L3MBTL4: variants seen among roughly 807,000 people sequenced by gnomAD.
The protein encoded by L3MBTL4 is L3MBTL histone methyl-lysine binding protein 4, also known as lethal(3)malignant brain tumor-like protein 4.
A neutral mutation model predicts 84.5 loss-of-function variants in L3MBTL4; 70 were observed. The ratio of observed to expected loss-of-function variants is 0.83; its 90% CI spans 0.68 to 1.01. The LOEUF is 1.01. L3MBTL4 is among the 50% of genes least tolerant of loss of function. The probability of loss-of-function intolerance (pLI) is 0.00; values close to 1 mark genes in which losing one functional copy is unlikely to be tolerated. For missense variants in L3MBTL4, 715 were observed against 754.8 expected, an observed-to-expected ratio of 0.95 and a Z score of 0.62; for synonymous variants, 274 against 259.8, an observed-to-expected ratio of 1.05 and a Z score of -0.52.
intron 1 of L3MBTL4, among the ~76,000 whole-genome samples, chr18:6,384,843 G>A (rs138550717): frequency 6.6e-6 from 1 of 152,310 alleles, no homozygotes; most frequent in East Asian, 1.9e-4. Context: ...AGTCTGTGGA[G>A]AGGCTCACCT....
In L3MBTL4 at chr18:5,960,165, C is replaced by A. The variant is rs779372485; in HGVS notation, c.1615-9G>T. On this transcript the variant is annotated splice_polypyrimidine_tract_variant and intron_variant, in intron 17 of 18. Coordinates refer to ENST00000317931, the MANE Select transcript of L3MBTL4 (RefSeq NM_001330559.2). Reference sequence around the variant, plus strand: ...TGTACAAACTCAGCCACCTACAGTGCGAGATGAAAAGCCTAATTTAATACA... The same window carrying A: ...TGTACAAACTCAGCCACCTACAGTGAGAGATGAAAAGCCTAATTTAATACA... 3 of 1,577,824 alleles carry A rather than the reference C, an allele frequency of 1.9e-6. No individual in the cohort carries two copies. The highest frequency in any genetic ancestry group is 1.2e-5 in the South Asian group (1 of 85,424).
At chr18:6,116,749 A>C (rs2059372236) in intron 14 of L3MBTL4, among the ~76,000 whole-genome samples, 1 of 152,170 alleles carries the variant, frequency 6.6e-6, no homozygotes, top group South Asian at 2.1e-4. Flanking sequence ...ATATATCCCA[A>C]ATAAAAAGGC....
At chr18:6,362,907 C>G (rs1285759758) in intron 1 of L3MBTL4, among the ~76,000 whole-genome samples, 4 of 152,184 alleles carry the variant, frequency 2.6e-5, no homozygotes, top group Non-Finnish European at 4.4e-5. Context: ...GAAGTGTGGG[C>G]GCATGCGCAC....
chr18:6,121,710 G>GTGTA (rs1179047404), intron 14 of L3MBTL4, among the ~76,000 whole-genome samples: 3 of 138,170 alleles, frequency 2.2e-5, no homozygotes, highest in Admixed American at 7.5e-5. Context: ...GTGTGTGTGT[G>GTGTA]TGTGTGTGTA....
intron 16 of L3MBTL4, among the ~76,000 whole-genome samples, chr18:5,981,803 A>G (rs897813704): frequency 1.3e-5 from 2 of 152,094 alleles, no homozygotes; most frequent in Admixed American, 1.3e-4. Context: ...TCATCTCAAA[A>G]AAAAAATTTT....
chr18:6,158,143 T>G (rs1964060654), intron 13 of L3MBTL4, among the ~76,000 whole-genome samples: 1 of 152,190 alleles, frequency 6.6e-6, no homozygotes, highest in Non-Finnish European at 1.5e-5. Context: ...AGACAAATGT[T>G]TTTTGGAAGT....
chr18:5,969,967 T>C (rs1040942049), intron 16 of L3MBTL4, among the ~76,000 whole-genome samples: 6 of 152,234 alleles, frequency 3.9e-5, no homozygotes, highest in African/African-American at 1.2e-4. Flanking sequence ...GATGTGTATG[T>C]ACACAAAGAA....
At chr18:5,984,833 G>A (rs191647081) in intron 16 of L3MBTL4, among the ~76,000 whole-genome samples, 104 of 152,192 alleles carry the variant, frequency 6.8e-4, no homozygotes, top group South Asian at 2.3e-3. Flanking sequence ...GTGTCTTTAG[G>A]AGTATTTTTT....
chr18:6,281,271 A>T (rs2049309147), intron 4 of L3MBTL4, among the ~76,000 whole-genome samples: 1 of 152,198 alleles, frequency 6.6e-6, no homozygotes, highest in Admixed American at 6.5e-5. Context: ...TCACTGTATG[A>T]AATACAAAAC....
chr18:6,011,583 A>G (rs1389944960), intron 16 of L3MBTL4, among the ~76,000 whole-genome samples: 1 of 152,100 alleles, frequency 6.6e-6, no homozygotes. Flanking sequence ...CTCTCAGTCT[A>G]CTCAAAATGA....
chr18:6,002,655 G>A (rs954039682), intron 16 of L3MBTL4, among the ~76,000 whole-genome samples: 2 of 151,900 alleles, frequency 1.3e-5, no homozygotes, highest in African/African-American at 4.8e-5. Context: ...AGTGTATAAT[G>A]TACATGGTCA....
At chr18:6,234,178 A>T (rs1470167903) in intron 10 of L3MBTL4, among the ~76,000 whole-genome samples, 13 of 152,236 alleles carry the variant, frequency 8.5e-5, no homozygotes, top group Non-Finnish European at 1.5e-5. Context: ...AGATGGATTA[A>T]AGACTTACAT....
At chr18:6,232,647 C>A (rs1276836081) in intron 10 of L3MBTL4, among the ~76,000 whole-genome samples, 1 of 151,880 alleles carries the variant, frequency 6.6e-6, no homozygotes, top group East Asian at 1.9e-4. Flanking sequence ...AAAACATAGT[C>A]CTTGCTCACA....
At chr18:5,986,464 C>G (rs2053469258) in intron 16 of L3MBTL4, among the ~76,000 whole-genome samples, 1 of 152,232 alleles carries the variant, frequency 6.6e-6, no homozygotes, top group Non-Finnish European at 1.5e-5. Context: ...CATGCAACAT[C>G]ATATGATGAG....
Position 6,390,192 on chromosome 18 carries a change from A to G in L3MBTL4, c.-91+24609T>C, listed in dbSNP as rs149810562. 4.9e-4 allele frequency among the ~76,000 whole-genome samples: 74 copies of G among 152,156 alleles called. No individual in the cohort carries two copies. In the East Asian group the frequency reaches 0.014, roughly 28 times the overall value. ...TATATATATACATATACACACACAC[A>G]CATATATTACATGGAGTTAAACAAT... On this transcript the variant is annotated intron_variant, in intron 1 of 18. Coordinates refer to ENST00000317931, the MANE Select transcript of L3MBTL4 (RefSeq NM_001330559.2).
chr18:6,319,027 T>C lies in L3MBTL4; in HGVS notation c.-90-6971A>G, dbSNP rs138530355. ...GAAAGTAAACAATCTGCCCATGAAT[T>C]ATTTTGGGGTTAACAACGAAACCAA... On this transcript the variant is annotated intron_variant, in intron 1 of 18. Transcript: ENST00000317931. 3.5e-3 allele frequency among the ~76,000 whole-genome samples: 537 copies of C among 152,252 alleles called. 3 individuals are homozygous for C. The highest frequency in any genetic ancestry group is 8.6e-3 in the Admixed American group (131 of 15,288).
intron 5 of L3MBTL4, among the ~76,000 whole-genome samples, chr18:6,251,707 A>C (rs925153173): frequency 1.3e-5 from 2 of 152,220 alleles, no homozygotes; most frequent in African/African-American, 4.8e-5. Context: ...TTATAAATAT[A>C]ATAAATGTTT....
chr18:6,121,685 C>CGTGTGTGT (rs762077935), intron 14 of L3MBTL4, among the ~76,000 whole-genome samples: 173 of 142,894 alleles, frequency 1.2e-3, no homozygotes, highest in Non-Finnish European at 1.9e-3. Flanking sequence ...ATTGTTTCCC[C>CGTGTGTGT]GTGTGTGTGT....
At chr18:6,031,276 T>C in intron 16 of L3MBTL4, 3 of 985,470 alleles carry the variant, frequency 3.0e-6, no homozygotes, top group Non-Finnish European at 3.6e-6. Context: ...CACAGCAGAA[T>C]GGTGAACAGT....
Sources: allele counts gnomAD v4.1 joint callset (sites outside exome capture counted in the v4.1 genomes callset), GRCh38; gene constraint gnomAD v4.1.1; transcripts MANE v1.5; gene names NCBI Gene and HGNC (gene_info 2026-07-23, HGNC 2026-07-21).